The following ADAD1 variants were observed in gnomAD, a reference collection of about 807,000 sequenced individuals.
The protein encoded by ADAD1 is adenosine deaminase domain containing 1.
ADAD1 carries 46 observed loss-of-function variants against 66.8 expected under a neutral mutation model. That is an observed-to-expected ratio of 0.69 (90% CI 0.54 to 0.88). The LOEUF (loss-of-function observed/expected upper bound fraction) is 0.88. Ranked by LOEUF, ADAD1 falls within the 40% of genes least tolerant of loss-of-function variation. The probability of loss-of-function intolerance (pLI) is 0.00; values close to 1 mark genes in which losing one functional copy is unlikely to be tolerated. For synonymous variants in ADAD1, 248 were observed against 229.4 expected (o/e 1.08, Z -0.73); for missense variants, 617 against 681.8 (o/e 0.91, Z 1.06).
At chr4:122,427,839 A>G (rs1797324028) in intron 12 of ADAD1, among the ~76,000 whole-genome samples, 1 of 152,098 alleles carries the variant, frequency 6.6e-6, no homozygotes, top group Admixed American at 6.6e-5. Context: ...TCCAAAGGCC[A>G]TTTAAGAACC....
intron 12 of ADAD1, among the ~76,000 whole-genome samples, chr4:122,427,770 A>G (rs566733355): frequency 2.8e-4 from 43 of 152,020 alleles, no homozygotes; most frequent in Admixed American, 2.6e-3. Context: ...TTCTGACCTC[A>G]AGTGCTCCAC....
At position 122,415,521 on chromosome 4, in the gene ADAD1, A is replaced by G; in HGVS notation, c.1392A>G (p.Gln464=). 2 of 1,613,940 alleles carry G rather than the reference A, an allele frequency of 1.2e-6. No individual in the cohort carries two copies. The highest frequency in any genetic ancestry group is 1.7e-6 in the Non-Finnish European group (2 of 1,179,866). Residue 464 remains glutamine (Q), a synonymous_variant, in exon 11 of 13, where the codon CAA becomes CAG. Coordinates refer to ENST00000296513, the MANE Select transcript of ADAD1 (RefSeq NM_139243.4). ...TAGTACCCTCTGCATATCCCCTTCA[A>G]ATGAACTTGGAATATAAATTTCTGA... ...ISLVPSAYPL[Q]MNLEYKFLSL... is the part of the protein sequence containing the mutation.
At chr4:122,411,662 T>C (rs1252841809) in intron 9 of ADAD1, among the ~76,000 whole-genome samples, 1 of 152,164 alleles carries the variant, frequency 6.6e-6, no homozygotes. Context: ...GACATGACGC[T>C]CAAAGGAAAT....
At chr4:122,399,953 A>C (rs1239766045) in intron 7 of ADAD1, among the ~76,000 whole-genome samples, 1 of 151,948 alleles carries the variant, frequency 6.6e-6, no homozygotes, top group Non-Finnish European at 1.5e-5. Context: ...GTGAACAGTG[A>C]CAGTTTGACT....
At position 122,396,271 on chromosome 4, in the gene ADAD1, T is replaced by A; in HGVS notation, c.618T>A (p.Tyr206Ter). Residue 206 changes from tyrosine to a stop codon, truncating the protein, a stop_gained, in exon 7 of 13, where the codon TAT (tyrosine) becomes TAA (stop). Coordinates refer to ENST00000296513, the MANE Select transcript of ADAD1 (RefSeq NM_139243.4). LOFTEE classifies it high-confidence loss of function. ...TTCTAGAAGGGAGACATATTCAATA[T>A]GCAAAGATTTCACAGATCGTTAAAG... is the stretch of plus-strand genomic sequence containing the variant. ...KVHYEGRHIQ[Y>*]AKISQIVKER... The A allele has an allele frequency of 6.3e-7, 1 of 1,592,280 alleles. No homozygotes were observed. The highest frequency in any genetic ancestry group is 8.5e-7 in the Non-Finnish European group (1 of 1,171,594).
At chr4:122,390,077 T>G (rs1180054231) in intron 5 of ADAD1, among the ~76,000 whole-genome samples, 2 of 152,206 alleles carry the variant, frequency 1.3e-5, no homozygotes, top group Non-Finnish European at 2.9e-5. Context: ...CCTCAGCATT[T>G]GTTTCTCTGA....
intron 7 of ADAD1, among the ~76,000 whole-genome samples, chr4:122,406,896 C>T (rs1434498028): frequency 1.3e-5 from 2 of 151,974 alleles, no homozygotes; most frequent in Non-Finnish European, 2.9e-5. Flanking sequence ...TCATATAAGC[C>T]CCATAATTGT....
rs1580758405 is a variant in ADAD1, at chr4:122,396,282, C to T, written c.629C>T (p.Ser210Leu). The T allele has an allele frequency of 6.3e-7, 1 of 1,596,174 alleles. No homozygotes were observed. Among genetic ancestry groups the T allele is most frequent in the Admixed American group, 1.8e-5 (1 of 56,856 alleles). The change falls in exon 7 of 13, where the codon TCA (serine) becomes TTA (leucine). Residue 210 changes from serine (S) to leucine (L), a missense_variant. Ser to Leu is a moderately radical substitution (Grantham distance 145). Transcript: ENST00000296513. ...AGACATATTCAATATGCAAAGATTT[C>T]ACAGATCGTTAAAGAAAGATTTAAT... is the stretch of plus-strand genomic sequence containing the variant. ...EGRHIQYAKI[S>L]QIVKERFNQL...
chr4:122,412,965 A>G (rs745569852), intron 10 of ADAD1, among the ~76,000 whole-genome samples, 156 bp downstream of exon 10: 10 of 152,156 alleles, frequency 6.6e-5, no homozygotes, highest in East Asian at 1.9e-4. Flanking sequence ...TGTTGGTTTC[A>G]TGATAAATTA....
chr4:122,414,938 G>A (rs1796659016), intron 10 of ADAD1, among the ~76,000 whole-genome samples: 1 of 148,928 alleles, frequency 6.7e-6, no homozygotes, highest in African/African-American at 2.4e-5. Context: ...TGTGGTATTG[G>A]CAAAGTTGTA....
intron 5 of ADAD1, among the ~76,000 whole-genome samples, chr4:122,390,913 C>T (rs924010058): frequency 6.6e-6 from 1 of 152,128 alleles, no homozygotes; most frequent in African/African-American, 2.4e-5. Flanking sequence ...GGAGAGACAT[C>T]GTGATCATTT....
chr4:122,429,486 C>CA lies in ADAD1; in HGVS notation c.1618-135dup. Reference sequence around the variant, plus strand: ...TGTTGGGAAGGAAATTTTTTAGCTTCAAAAATATTAAAATATAGGAATTAA... The same window carrying CA: ...TGTTGGGAAGGAAATTTTTTAGCTTCAAAAAATATTAAAATATAGGAATTAA... On this transcript the variant is annotated intron_variant, in intron 12 of 12. Coordinates refer to ENST00000296513, the MANE Select transcript of ADAD1 (RefSeq NM_139243.4). The CA allele has an allele frequency of 3.8e-6, 2 of 532,582 alleles. 1 individual carries two copies. The highest frequency in any genetic ancestry group is 6.8e-5 in the South Asian group (2 of 29,602). 33.0% of individuals were successfully genotyped at this position (532,582 alleles called of 1,614,324 possible).
chr4:122,419,642 G>A (rs993233008), intron 11 of ADAD1, among the ~76,000 whole-genome samples: 1 of 152,084 alleles, frequency 6.6e-6, no homozygotes, highest in African/African-American at 2.4e-5. Context: ...GAATTTAACA[G>A]CACATTACAA....
chr4:122,413,199 C>T (rs937252037), intron 10 of ADAD1, among the ~76,000 whole-genome samples: 1 of 152,108 alleles, frequency 6.6e-6, no homozygotes, highest in Non-Finnish European at 1.5e-5. Flanking sequence ...ACTCAGCATG[C>T]TGAAGTTTCA....
At chr4:122,386,201 T>C (rs1463867997) in intron 5 of ADAD1, among the ~76,000 whole-genome samples, 1 of 152,136 alleles carries the variant, frequency 6.6e-6, no homozygotes, top group Non-Finnish European at 1.5e-5. Flanking sequence ...CTCACCAGCA[T>C]GTATTGTTTC....
intron 10 of ADAD1, among the ~76,000 whole-genome samples, chr4:122,414,276 G>GC (rs1005244512): frequency 8.8e-5 from 5 of 56,836 alleles, no homozygotes; most frequent in East Asian, 1.5e-3. Flanking sequence ...CTTTTTTTTT[G>GC]GGGGGGGGGG....
intron 12 of ADAD1, among the ~76,000 whole-genome samples, chr4:122,425,346 C>T (rs932609582): frequency 6.6e-6 from 1 of 151,956 alleles, no homozygotes; most frequent in African/African-American, 2.4e-5. Flanking sequence ...GTTCTAACCA[C>T]TGTGGAATTA....
chr4:122,412,955 T>C (rs1796533491), intron 10 of ADAD1, 146 bp downstream of exon 10: 1 of 654,038 alleles, frequency 1.5e-6, no homozygotes, highest in East Asian at 2.7e-5. Flanking sequence ...TTTGTAGAGC[T>C]GTTGGTTTCA....
chr4:122,421,467 C>A, intron 12 of ADAD1, 77 bp downstream of exon 12: 1 of 1,278,516 alleles, frequency 7.8e-7, no homozygotes, highest in Non-Finnish European at 1.0e-6. Context: ...AATGGTTATC[C>A]TTAGCAAAAG....
Sources: gnomAD v4.1 joint callset for allele counts (sites outside exome capture counted in the v4.1 genomes callset) on GRCh38, gnomAD v4.1.1 for gene constraint, MANE v1.5 for transcripts, NCBI Gene and HGNC (gene_info 2026-07-23, HGNC 2026-07-21) for gene names.